ARL14EPL: variants seen among roughly 807,000 people sequenced by gnomAD.
ARL14EPL encodes the protein ARL14 effector protein-like.
A neutral mutation model predicts 15.9 loss-of-function variants in ARL14EPL; 17 were observed. The observed-to-expected ratio is 1.07, with a 90% confidence interval of 0.73 to 1.60. ARL14EPL has a LOEUF of 1.60. ARL14EPL is among the 40% of genes most tolerant of loss of function. The probability of loss-of-function intolerance (pLI) is 0.00; values close to 1 mark genes in which losing one functional copy is unlikely to be tolerated. For missense variants in ARL14EPL, 214 were observed against 185.9 expected, an observed-to-expected ratio of 1.15 and a Z score of -0.88; for synonymous variants, 78 against 63.8, an observed-to-expected ratio of 1.22 and a Z score of -1.06.
intron 1 of ARL14EPL, among the ~76,000 whole-genome samples, chr5:116,046,916 C>G (rs370874318): frequency 2.6e-5 from 4 of 152,082 alleles, no homozygotes; most frequent in African/African-American, 9.7e-5. Context: ...TGGGCCTAAT[C>G]TGATAGAATT....
chr5:116,057,018 T>C (rs1296051664), intron 3 of ARL14EPL, among the ~76,000 whole-genome samples: 1 of 152,036 alleles, frequency 6.6e-6, no homozygotes, highest in Admixed American at 6.5e-5. Context: ...TCAATGCAAA[T>C]ATCCTCAATA....
rs150516298 is a variant in ARL14EPL, at chr5:116,052,096, G to T, written c.96+535G>T. 5,083 of 1,613,164 alleles carry T rather than the reference G, an allele frequency of 3.2e-3. 104 individuals are homozygous for T. In the African/African-American group the frequency reaches 0.051, roughly 16 times the overall value. ...CCACAGCTGGGGTTATAAGTTTATAGTTGGGAACTTCCTTACAGAGTTTGT... is the reference window on the plus strand; with the variant it reads ...CCACAGCTGGGGTTATAAGTTTATATTTGGGAACTTCCTTACAGAGTTTGT... On this transcript the variant is annotated intron_variant, in intron 2 of 3. Transcript: ENST00000686077.
intron 1 of ARL14EPL, among the ~76,000 whole-genome samples, chr5:116,034,338 C>T (rs1178994929): frequency 6.6e-6 from 1 of 152,134 alleles, no homozygotes; most frequent in Non-Finnish European, 1.5e-5. Context: ...CCTATGGTTT[C>T]TTCCAGAAAG....
At chr5:116,043,589 A>T (rs1413402901) in intron 1 of ARL14EPL, among the ~76,000 whole-genome samples, 1 of 152,172 alleles carries the variant, frequency 6.6e-6, no homozygotes, top group Non-Finnish European at 1.5e-5. Context: ...ATTATTTCAA[A>T]AACTATATTA....
chr5:116,035,809 G>T (rs184313101), intron 1 of ARL14EPL, among the ~76,000 whole-genome samples: 1 of 152,312 alleles, frequency 6.6e-6, no homozygotes, highest in East Asian at 1.9e-4. Flanking sequence ...GCCAGCTGCC[G>T]CTGGTATCTC....
intron 1 of ARL14EPL, among the ~76,000 whole-genome samples, chr5:116,036,132 T>C (rs1156960316): frequency 1.3e-5 from 2 of 152,248 alleles, no homozygotes; most frequent in Non-Finnish European, 2.9e-5. Flanking sequence ...GTCAGTATAA[T>C]TGTTCTAACC....
rs1188366690 is a variant in ARL14EPL at position 116,042,155 on chromosome 5, TCC to T, written c.-9-9300_-9-9299del. Among the ~76,000 whole-genome samples, 3 of 152,168 alleles carry T rather than the reference TCC, an allele frequency of 2.0e-5. No homozygotes were observed. In the East Asian group the frequency reaches 5.8e-4, roughly 29 times the overall value. On this transcript the variant is annotated intron_variant, in intron 1 of 3. Transcript: ENST00000686077. The stretch of plus-strand genomic sequence containing the variant: ...CAGGAGTCTTTCTTGACATCTTGAT[TCC>T]CAGGGACAGCACACTAGTCCCTCCG...
chr5:116,046,408 T>A (rs1749268900), intron 1 of ARL14EPL, among the ~76,000 whole-genome samples: 1 of 152,176 alleles, frequency 6.6e-6, no homozygotes, highest in Non-Finnish European at 1.5e-5. Context: ...CAACTCTACC[T>A]GCCACAGCAT....
intron 1 of ARL14EPL, among the ~76,000 whole-genome samples, chr5:116,046,047 A>G (rs1749261769): frequency 6.6e-6 from 1 of 152,202 alleles, no homozygotes; most frequent in Admixed American, 6.5e-5. Flanking sequence ...TCTCTCTACC[A>G]GATATGCCCC....
At chr5:116,057,785 A>G (rs1161081429) in intron 3 of ARL14EPL, among the ~76,000 whole-genome samples, 2 of 152,222 alleles carry the variant, frequency 1.3e-5, no homozygotes, top group Non-Finnish European at 1.5e-5. Flanking sequence ...GAAGGAGAGG[A>G]GGCATTGTGC....
intron 1 of ARL14EPL, among the ~76,000 whole-genome samples, chr5:116,044,018 C>A (rs1227573979): frequency 6.6e-6 from 1 of 152,162 alleles, no homozygotes; most frequent in Non-Finnish European, 1.5e-5. Flanking sequence ...CAATCTGGAA[C>A]TGGCAAGATG....
chr5:116,056,256 T>C, intron 3 of ARL14EPL, among the ~76,000 whole-genome samples: 1 of 152,136 alleles, frequency 6.6e-6, no homozygotes, highest in African/African-American at 2.4e-5. Flanking sequence ...TAGTTTACTG[T>C]CCCACCAACA....
chr5:116,040,773 A>G (rs1011641617), intron 1 of ARL14EPL, among the ~76,000 whole-genome samples: 1 of 150,058 alleles, frequency 6.7e-6, no homozygotes, highest in Non-Finnish European at 1.5e-5. Flanking sequence ...TATCGAGACC[A>G]TCCTGGCTAA....
intron 1 of ARL14EPL, among the ~76,000 whole-genome samples, chr5:116,032,774 T>C (rs963011839): frequency 2.0e-5 from 3 of 152,074 alleles, no homozygotes; most frequent in Non-Finnish European, 4.4e-5. Flanking sequence ...AGCTGTGTAT[T>C]CTGAGTTTTT....
intron 1 of ARL14EPL, among the ~76,000 whole-genome samples, chr5:116,039,579 C>T (rs1221730785): frequency 1.3e-5 from 2 of 151,822 alleles, no homozygotes; most frequent in Non-Finnish European, 2.9e-5. Context: ...TCCCGAAATG[C>T]TCACATTAAG....
intron 1 of ARL14EPL, among the ~76,000 whole-genome samples, chr5:116,038,142 A>G (rs1749082430): frequency 6.6e-6 from 1 of 152,218 alleles, no homozygotes; most frequent in South Asian, 2.1e-4. Flanking sequence ...ACAGATCACT[A>G]AGTTACTATT....
At chr5:116,037,279 A>C (rs1295462523) in intron 1 of ARL14EPL, among the ~76,000 whole-genome samples, 1 of 152,194 alleles carries the variant, frequency 6.6e-6, no homozygotes, top group East Asian at 1.9e-4. Flanking sequence ...CACATGGACT[A>C]TATGGTCTCC....
Position 116,054,166 on chromosome 5 carries a change from C to T in ARL14EPL, c.236+13C>T. 1 of 1,531,724 alleles carries T rather than the reference C, an allele frequency of 6.5e-7. No homozygotes were observed. Among genetic ancestry groups the T allele is most frequent in the Non-Finnish European group, 8.7e-7 (1 of 1,144,344 alleles). 94.9% of individuals were successfully genotyped at this position (1,531,724 alleles called of 1,614,324 possible). On this transcript the variant is annotated intron_variant, in intron 3 of 3. Transcript: ENST00000686077. ...CTACCAAATACAAGTAAGATTCTGACTTATTGTATTTGATCTGTGGGATTA... is the reference window on the plus strand; with the variant it reads ...CTACCAAATACAAGTAAGATTCTGATTTATTGTATTTGATCTGTGGGATTA...
intron 1 of ARL14EPL, among the ~76,000 whole-genome samples, chr5:116,032,792 G>C (rs376602941): frequency 6.6e-6 from 1 of 151,994 alleles, no homozygotes; most frequent in Non-Finnish European, 1.5e-5. Flanking sequence ...TTTTGTTGTG[G>C]TGGTTTTTGT....
Sources: gnomAD v4.1 joint callset for allele counts (sites outside exome capture counted in the v4.1 genomes callset) on GRCh38, gnomAD v4.1.1 for gene constraint, MANE v1.5 for transcripts, NCBI Gene and HGNC (gene_info 2026-07-23, HGNC 2026-07-21) for gene names.